ZFPM2: variants seen among roughly 807,000 people sequenced by gnomAD.
The protein encoded by ZFPM2 is zinc finger protein ZFPM2.
ZFPM2 carries 20 observed loss-of-function variants against 98.6 expected under a neutral mutation model. The observed-to-expected ratio is 0.20, with a 90% CI of 0.14 to 0.29. ZFPM2 has a LOEUF of 0.29. Among genes scored for constraint, ZFPM2 ranks in the 10% least tolerant of loss-of-function variants. ZFPM2 has a pLI of 1.00. For synonymous variants in ZFPM2, 518 were observed against 502.7 expected (o/e 1.03, Z -0.41); for missense variants, 1,310 against 1,388.6 (o/e 0.94, Z 0.90).
chr8:105,750,286 T>C (rs922238053), intron 5 of ZFPM2, among the ~76,000 whole-genome samples: 2 of 152,036 alleles, frequency 1.3e-5, no homozygotes, highest in Non-Finnish European at 2.9e-5. Context: ...ATCTATACTT[T>C]ATAGTTGTTT....
rs748349447 is a variant in ZFPM2, at chr8:105,801,994, A to G, written c.1912A>G (p.Asn638Asp). 5 of 1,613,728 alleles carry G rather than the reference A, an allele frequency of 3.1e-6. No individual in the cohort carries two copies. The highest frequency in any genetic ancestry group is 3.4e-6 in the Non-Finnish European group (4 of 1,179,878). The part of the protein sequence containing the change: ...SSTVLDLIGP[N>D]GKGHDKDFST... ...CACTGTCTTAGATTTAATTGGGCCA[A>G]ATGGGAAGGGCCATGACAAGGACTT... Residue 638 changes from asparagine to aspartate, a missense_variant, in exon 8 of 8, where the codon AAT becomes GAT. Physicochemically the swap from Asn to Asp is conservative, Grantham distance 23. Transcript: ENST00000407775.
At chr8:105,560,847 G>A (rs756286133) in intron 3 of ZFPM2, among the ~76,000 whole-genome samples, 4 of 151,954 alleles carry the variant, frequency 2.6e-5, no homozygotes, top group South Asian at 2.1e-4. Flanking sequence ...TAAAAACTCC[G>A]TCTAAACATT....
Position 105,320,256 on chromosome 8 carries a change from TTGTGTGTG to T in ZFPM2, c.40+1311_40+1318del, listed in dbSNP as rs71305141. 1.3e-3 allele frequency among the ~76,000 whole-genome samples: 190 copies of T among 142,340 alleles called. 2 individuals are homozygous for T. The highest frequency in any genetic ancestry group is 3.6e-3 in the Middle Eastern group (1 of 280). The allele number at this position is 142,340 out of a possible 152,430, so 93.4% of individuals were successfully genotyped here. A position where few individuals can be genotyped will look rare whatever the true frequency, so the allele number is the denominator to read the frequency against. The stretch of plus-strand genomic sequence containing the variant: ...TATCAACAGTTAAGTATTCAGATCT[TTGTGTGTG>T]TGTGTGTGTGTGTGTGTGTGTGTGT... On this transcript the variant is annotated intron_variant, in intron 1 of 7. Coordinates refer to ENST00000407775, the MANE Select transcript of ZFPM2 (RefSeq NM_012082.4).
At chr8:105,789,048 C>A in intron 6 of ZFPM2, 124 bp downstream of exon 6, 1 of 730,794 alleles carries the variant, frequency 1.4e-6, no homozygotes, top group South Asian at 3.2e-5. Context: ...TTCATTTTAT[C>A]TTTTTTCTTT....
chr8:105,455,425 G>C (rs1247824993), intron 3 of ZFPM2, among the ~76,000 whole-genome samples: 1 of 152,114 alleles, frequency 6.6e-6, no homozygotes, highest in Non-Finnish European at 1.5e-5. Context: ...TGAATTCAAG[G>C]CCATTGTGAC....
intron 5 of ZFPM2, among the ~76,000 whole-genome samples, chr8:105,646,429 T>C (rs1817048821): frequency 6.6e-6 from 1 of 152,126 alleles, no homozygotes; most frequent in Non-Finnish European, 1.5e-5. Context: ...ATGAGGGGTA[T>C]GATGAGGCAT....
At chr8:105,504,841 C>A (rs964125407) in intron 3 of ZFPM2, among the ~76,000 whole-genome samples, 2 of 152,038 alleles carry the variant, frequency 1.3e-5, no homozygotes, top group Admixed American at 6.6e-5. Flanking sequence ...TAAGAGAGAA[C>A]AAGTTTAAAG....
intron 5 of ZFPM2, among the ~76,000 whole-genome samples, chr8:105,700,224 A>G (rs1811111007): frequency 1.3e-5 from 2 of 152,358 alleles, no homozygotes; most frequent in South Asian, 4.1e-4. Context: ...CGTGGCAACC[A>G]GTGGCTATGG....
chr8:105,790,574 C>T (rs1035470047), intron 6 of ZFPM2, among the ~76,000 whole-genome samples: 33 of 152,004 alleles, frequency 2.2e-4, no homozygotes, highest in African/African-American at 5.5e-4. Flanking sequence ...CTTGGTGATG[C>T]GGGCTCTTTT....
At chr8:105,647,432 G>A (rs1355849805) in intron 5 of ZFPM2, among the ~76,000 whole-genome samples, 1 of 151,636 alleles carries the variant, frequency 6.6e-6, no homozygotes, top group South Asian at 2.1e-4. Context: ...CAATGTGCAG[G>A]TTTGTTACCT....
At chr8:105,525,658 A>G (rs896839449) in intron 3 of ZFPM2, among the ~76,000 whole-genome samples, 1 of 152,188 alleles carries the variant, frequency 6.6e-6, no homozygotes, top group African/African-American at 2.4e-5. Context: ...GTAAGATTAA[A>G]TTGATTTTGT....
At chr8:105,800,253 C>G (rs1813960865) in intron 7 of ZFPM2, among the ~76,000 whole-genome samples, 1 of 152,064 alleles carries the variant, frequency 6.6e-6, no homozygotes, top group Non-Finnish European at 1.5e-5. Flanking sequence ...AGGGGATAAG[C>G]CAAGCCTGAT....
At chr8:105,399,802 T>C (rs544762730) in intron 1 of ZFPM2, among the ~76,000 whole-genome samples, 1 of 152,300 alleles carries the variant, frequency 6.6e-6, no homozygotes, top group East Asian at 1.9e-4. Context: ...AGTCTTGCTC[T>C]GTGTCCAGGC....
chr8:105,442,898 TG>T (rs1409665805), intron 2 of ZFPM2, among the ~76,000 whole-genome samples: 1 of 127,494 alleles, frequency 7.8e-6, no homozygotes, highest in East Asian at 2.0e-4. Context: ...AGAAGTTCAG[TG>T]TTTTTTTTTT....
chr8:105,447,869 C>T (rs1464971515), intron 3 of ZFPM2, among the ~76,000 whole-genome samples: 4 of 152,042 alleles, frequency 2.6e-5, no homozygotes. Flanking sequence ...ATGCAGATTC[C>T]ACAGTGGAAA....
At chr8:105,596,463 G>A (rs1040509751) in intron 4 of ZFPM2, among the ~76,000 whole-genome samples, 2 of 151,904 alleles carry the variant, frequency 1.3e-5, no homozygotes, top group South Asian at 2.1e-4. Flanking sequence ...AAATAGATTG[G>A]CACTCTCCCT....
At chr8:105,403,314 G>C (rs1811376196) in intron 1 of ZFPM2, among the ~76,000 whole-genome samples, 1 of 151,798 alleles carries the variant, frequency 6.6e-6, no homozygotes, top group Non-Finnish European at 1.5e-5. Context: ...GTCTTCCCTG[G>C]TTTTTCTTTA....
chr8:105,538,460 T>C (rs1814506379), intron 3 of ZFPM2, among the ~76,000 whole-genome samples: 2 of 152,200 alleles, frequency 1.3e-5, no homozygotes, highest in African/African-American at 4.8e-5. Context: ...ATGTCGTTAC[T>C]ATCTCTTTGA....
chr8:105,698,904 A>G (rs566711548), intron 5 of ZFPM2, among the ~76,000 whole-genome samples: 33 of 152,278 alleles, frequency 2.2e-4, no homozygotes, highest in African/African-American at 7.5e-4. Context: ...TACAATCAAA[A>G]TCAGTGTCAT....
Sources: gnomAD v4.1 joint callset for allele counts (sites outside exome capture counted in the v4.1 genomes callset) on GRCh38, gnomAD v4.1.1 for gene constraint, MANE v1.5 for transcripts, NCBI Gene and HGNC (gene_info 2026-07-23, HGNC 2026-07-21) for gene names.